The following TMEM260 variants were observed in gnomAD, a reference collection of about 807,000 sequenced individuals.
TMEM260 encodes transmembrane protein 260.
A neutral mutation model predicts 88.9 loss-of-function variants in TMEM260; 82 were observed. That is an observed-to-expected ratio of 0.92 (90% CI 0.77 to 1.11). The LOEUF is 1.11. Among genes scored for constraint, TMEM260 ranks in the 50% least tolerant of loss-of-function variants. The pLI is 0.00. For missense variants in TMEM260, 902 were observed against 853.4 expected (o/e 1.06, Z -0.71); for synonymous variants, 314 against 309.3 (o/e 1.02, Z -0.16).
chr14:56,583,695 G>A (rs1322565591), intron 1 of TMEM260, among the ~76,000 whole-genome samples: 1 of 152,078 alleles, frequency 6.6e-6, no homozygotes, highest in African/African-American at 2.4e-5. Context: ...TCTAAGGAAA[G>A]GTTACCAAGA....
intron 12 of TMEM260, among the ~76,000 whole-genome samples, chr14:56,630,473 T>C (rs1174985848): frequency 7.4e-6 from 1 of 135,772 alleles, no homozygotes; most frequent in Non-Finnish European, 1.5e-5. Flanking sequence ...AAATTGTATC[T>C]TTTTTTTTCT....
chr14:56,633,289 A>G, intron 13 of TMEM260, 118 bp downstream of exon 13: 1 of 733,996 alleles, frequency 1.4e-6, no homozygotes, highest in Non-Finnish European at 2.1e-6. Context: ...TAATATTGTT[A>G]CTTGCTACCC....
chr14:56,602,025 G>C (rs930515757), intron 3 of TMEM260, among the ~76,000 whole-genome samples: 2 of 152,136 alleles, frequency 1.3e-5, no homozygotes, highest in Non-Finnish European at 2.9e-5. Context: ...ATTGATATAT[G>C]AAACATAGAA....
At chr14:56,630,053 A>G (rs1888487696) in intron 12 of TMEM260, among the ~76,000 whole-genome samples, 2 of 151,046 alleles carry the variant, frequency 1.3e-5, no homozygotes, top group African/African-American at 4.9e-5. Context: ...AAAAAAAAAA[A>G]GAAGAAAAAA....
At chr14:56,638,164 C>T (rs1430753250) in intron 15 of TMEM260, 1 of 151,334 alleles carries the variant, frequency 6.6e-6, no homozygotes, top group Non-Finnish European at 1.5e-5. Context: ...GCAGATCCCT[C>T]CGAGACACCC....
intron 1 of TMEM260, 32 bp downstream of exon 1, chr14:56,580,106 C>T (rs773125771): frequency 3.2e-6 from 4 of 1,247,796 alleles, no homozygotes; most frequent in Non-Finnish European, 3.0e-6. Context: ...CCCTTCTGTC[C>T]CTCTCCCCTG....
At chr14:56,607,583 T>C (rs1355608600) in intron 5 of TMEM260, among the ~76,000 whole-genome samples, 1 of 152,190 alleles carries the variant, frequency 6.6e-6, no homozygotes, top group Non-Finnish European at 1.5e-5. Context: ...TGCTTACTTA[T>C]CTGAGAAGCT....
At chr14:56,661,484 TGAAA>T in the TMEM260 span, among the ~76,000 whole-genome samples, 4 of 125,108 alleles carry the variant, frequency 3.2e-5, no homozygotes, top group East Asian at 9.3e-4. Flanking sequence ...AGGTAGTTGG[TGAAA>T]GAAAGAAAAA....
chr14:56,661,690 A>G, the TMEM260 span, among the ~76,000 whole-genome samples: 9 of 152,354 alleles, frequency 5.9e-5, no homozygotes, highest in South Asian at 6.2e-4. Flanking sequence ...TCTCCCTGCC[A>G]TGTGAGTGAG....
intron 10 of TMEM260, among the ~76,000 whole-genome samples, chr14:56,619,638 A>T (rs934774685): frequency 6.6e-6 from 1 of 152,222 alleles, no homozygotes; most frequent in African/African-American, 2.4e-5. Context: ...AGCAATATCA[A>T]GTACACATTA....
upstream of TMEM260, chr14:56,579,647 G>A: frequency 2.7e-6 from 1 of 374,824 alleles, no homozygotes; most frequent in Non-Finnish European, 4.7e-6. Context: ...CTCTCCTGGT[G>A]ATTAGGAACC....
intron 10 of TMEM260, chr14:56,619,318 A>G (rs996538214): frequency 2.6e-5 from 4 of 152,326 alleles, no homozygotes; most frequent in African/African-American, 7.3e-5. Flanking sequence ...CTATGGACAC[A>G]TGCCACCATT....
At position 56,624,971 on chromosome 14, in the gene TMEM260, A is replaced by G. The variant is rs143611071; in HGVS notation, c.1399-411A>G. 7.4e-4 allele frequency among the ~76,000 whole-genome samples: 112 copies of G among 152,258 alleles called. No homozygotes were observed. The East Asian group carries it at 0.016, about 22-fold the overall frequency. ...TTCTCTTAAGGAGCATGCAGCTTAGATCTCTCACATGTGCAGTTCACAATA... is the reference window on the plus strand; with the variant it reads ...TTCTCTTAAGGAGCATGCAGCTTAGGTCTCTCACATGTGCAGTTCACAATA... On this transcript the variant is annotated intron_variant, in intron 11 of 15. Transcript: ENST00000261556.
rs1887574953 is a variant in TMEM260, at chr14:56,616,025, AAAGT to A, written c.941+5_941+8del. 1.9e-6 allele frequency: 3 copies of A among 1,601,400 alleles called. No homozygotes were observed. The highest frequency in any genetic ancestry group is 8.6e-7 in the Non-Finnish European group (1 of 1,168,836). On this transcript the variant is annotated splice_donor_variant and coding_sequence_variant, in exon 8 of 16. Coordinates refer to ENST00000261556, the MANE Select transcript of TMEM260 (RefSeq NM_017799.4). LOFTEE classifies it high-confidence loss of function. ...TTTGTGCAAATATATGTTTAGCAAC[AAAGT>A]AAGTAATACAATTCCTTTTTCTGTT...
the TMEM260 span, among the ~76,000 whole-genome samples, chr14:56,658,006 A>G: frequency 1.3e-5 from 2 of 152,174 alleles, no homozygotes; most frequent in Non-Finnish European, 2.9e-5. Flanking sequence ...TGCCACCCAT[A>G]GTAACAGAGA....
intron 4 of TMEM260, among the ~76,000 whole-genome samples, chr14:56,604,341 A>C (rs1427433048): frequency 6.6e-6 from 1 of 152,144 alleles, no homozygotes; most frequent in African/African-American, 2.4e-5. Context: ...GGCCCCCTTA[A>C]ATTAGGATGC....
intron 3 of TMEM260, among the ~76,000 whole-genome samples, chr14:56,591,249 C>G (rs1004617538): frequency 3.3e-5 from 5 of 152,024 alleles, no homozygotes; most frequent in African/African-American, 4.8e-5. Context: ...GATCATAACT[C>G]ATATAGATTT....
chr14:56,654,120 A>G (rs1194301209), downstream of TMEM260, among the ~76,000 whole-genome samples: 1 of 151,878 alleles, frequency 6.6e-6, no homozygotes, highest in South Asian at 2.1e-4. Flanking sequence ...CTCTCCTTCA[A>G]CCCTCCAGAA....
chr14:56,629,729 C>T (rs1251653652), intron 12 of TMEM260, among the ~76,000 whole-genome samples: 2 of 151,976 alleles, frequency 1.3e-5, no homozygotes, highest in Non-Finnish European at 2.9e-5. Flanking sequence ...ATACTGTTTT[C>T]CTCAGCATTT....
Sources: allele counts gnomAD v4.1 joint callset (sites outside exome capture counted in the v4.1 genomes callset), GRCh38; gene constraint gnomAD v4.1.1; transcripts MANE v1.5; gene names NCBI Gene and HGNC (gene_info 2026-07-23, HGNC 2026-07-21).